The following DLGAP1 variants were observed in gnomAD, a reference collection of about 807,000 sequenced individuals.
DLGAP1 encodes disks large-associated protein 1.
In DLGAP1, 11 loss-of-function variants were observed where a neutral mutation model predicts 90.8. That is an observed-to-expected ratio of 0.12 (90% confidence interval 0.08 to 0.20). The LOEUF (loss-of-function observed/expected upper bound fraction) is 0.20. DLGAP1 is among the 10% of genes least tolerant of loss of function. The probability of loss-of-function intolerance (pLI) is 1.00; values close to 1 mark genes in which losing one functional copy is unlikely to be tolerated. For missense variants in DLGAP1, 1,050 were observed against 1,333.8 expected, an observed-to-expected ratio of 0.79 and a Z score of 3.31; for synonymous variants, 558 against 540.7, an observed-to-expected ratio of 1.03 and a Z score of -0.44.
At chr18:4,078,434 C>T (rs1010671931) in intron 2 of DLGAP1, among the ~76,000 whole-genome samples, 17 of 152,216 alleles carry the variant, frequency 1.1e-4, no homozygotes, top group African/African-American at 3.6e-4. Context: ...GAATCTCCGG[C>T]GAGGGACCTA....
In DLGAP1 at chr18:4,436,873, C is replaced by A. The variant is rs538186770; in HGVS notation, c.-267+18133G>T. Among the ~76,000 whole-genome samples the A allele has an allele frequency of 2.6e-5, 4 of 152,240 alleles. No individual in the cohort carries two copies. The East Asian group carries it at 7.7e-4, about 29-fold the overall frequency. On this transcript the variant is annotated intron_variant, in intron 1 of 12. Transcript: ENST00000315677. ...AAAAACACATTACTTACAGCTCCTG[C>A]TAAGCTAGACTCAAACAAAGTCCTA...
At chr18:4,416,993 AGT>A (rs748848827) in intron 1 of DLGAP1, among the ~76,000 whole-genome samples, 7 of 152,240 alleles carry the variant, frequency 4.6e-5, no homozygotes, top group Non-Finnish European at 1.0e-4. Context: ...TCAGGAGCAT[AGT>A]GTGTTTATTC....
rs772917847 is a variant in DLGAP1, at chr18:4,249,561, T to C, written c.-266-98274A>G. Among the ~76,000 whole-genome samples the C allele has an allele frequency of 2.0e-5, 3 of 151,858 alleles. No individual in the cohort carries two copies. In the South Asian group the frequency reaches 6.2e-4, roughly 32 times the overall value. The stretch of plus-strand genomic sequence containing the variant: ...AAGTACAGTAACCGTTCAGTAATGA[T>C]GGATTTCTGCATTTGTTTCTCAAGT... On this transcript the variant is annotated intron_variant, in intron 1 of 12. Coordinates refer to ENST00000315677, the MANE Select transcript of DLGAP1 (RefSeq NM_004746.4).
At chr18:3,718,692 G>T (rs1287586209) in intron 7 of DLGAP1, among the ~76,000 whole-genome samples, 3 of 150,208 alleles carry the variant, frequency 2.0e-5, no homozygotes, top group Non-Finnish European at 4.4e-5. Context: ...TTGGGGGGTC[G>T]AGGCGGGTGG....
intron 1 of DLGAP1, among the ~76,000 whole-genome samples, chr18:4,238,668 A>G (rs1245277565): frequency 6.6e-6 from 1 of 152,212 alleles, no homozygotes; most frequent in Non-Finnish European, 1.5e-5. Context: ...ATGAGGGATT[A>G]TATATGTATA....
chr18:3,863,054 T>C (rs937917567), intron 4 of DLGAP1, among the ~76,000 whole-genome samples: 1 of 152,244 alleles, frequency 6.6e-6, no homozygotes, highest in African/African-American at 2.4e-5. Context: ...CCAATACAAC[T>C]TTCTGTGATG....
intron 1 of DLGAP1, among the ~76,000 whole-genome samples, chr18:4,373,398 G>A (rs2081955496): frequency 6.6e-6 from 1 of 152,144 alleles, no homozygotes; most frequent in Non-Finnish European, 1.5e-5. Context: ...AAGCAAGTGA[G>A]GAAGTGGGAG....
At chr18:3,904,779 G>A (rs1305909066) in intron 3 of DLGAP1, among the ~76,000 whole-genome samples, 3 of 152,118 alleles carry the variant, frequency 2.0e-5, no homozygotes, top group Admixed American at 6.5e-5. Context: ...GTTTGAAAAT[G>A]CTTTTCACTC....
intron 3 of DLGAP1, chr18:3,894,679 T>A (rs2071569780): frequency 6.6e-6 from 1 of 152,196 alleles, no homozygotes; most frequent in South Asian, 2.1e-4. Context: ...CTTTTTTGAT[T>A]CTGTATGAAT....
chr18:4,056,737 C>T (rs765463459), intron 2 of DLGAP1, among the ~76,000 whole-genome samples: 3 of 152,080 alleles, frequency 2.0e-5, no homozygotes, highest in Non-Finnish European at 4.4e-5. Flanking sequence ...TTGAGACATA[C>T]ACTAAAAAAT....
At chr18:4,075,628 T>G (rs1241006259) in intron 2 of DLGAP1, among the ~76,000 whole-genome samples, 1 of 152,138 alleles carries the variant, frequency 6.6e-6, no homozygotes, top group Non-Finnish European at 1.5e-5. Context: ...GAACAAAACT[T>G]AGAGACAGCT....
intron 3 of DLGAP1, among the ~76,000 whole-genome samples, chr18:3,880,665 G>A (rs1417453624): frequency 2.0e-5 from 3 of 152,002 alleles, no homozygotes; most frequent in South Asian, 4.1e-4. Flanking sequence ...AAAGGAGGCC[G>A]GGCGCGGTGG....
intron 1 of DLGAP1, among the ~76,000 whole-genome samples, chr18:4,438,276 T>C (rs1055346003): frequency 2.0e-5 from 3 of 151,938 alleles, no homozygotes; most frequent in African/African-American, 7.3e-5. Context: ...TAGACTGATG[T>C]TATCATCTGA....
intron 6 of DLGAP1, among the ~76,000 whole-genome samples, chr18:3,733,965 C>T (rs1393339142): frequency 6.6e-6 from 1 of 152,066 alleles, no homozygotes; most frequent in Non-Finnish European, 1.5e-5. Flanking sequence ...TAAAGAAATT[C>T]TTTAAAGTCT....
At chr18:3,876,391 T>C (rs1479524337) in intron 4 of DLGAP1, among the ~76,000 whole-genome samples, 1 of 152,226 alleles carries the variant, frequency 6.6e-6, no homozygotes, top group Non-Finnish European at 1.5e-5. Context: ...CATTGAAATA[T>C]AGATTTTTTC....
chr18:3,723,540 C>G (rs549068912), intron 7 of DLGAP1, among the ~76,000 whole-genome samples: 1 of 151,758 alleles, frequency 6.6e-6, no homozygotes, highest in South Asian at 2.1e-4. Flanking sequence ...TAATGTCATT[C>G]TGCTTAGGGT....
chr18:3,573,952 T>G (rs1308208886), intron 8 of DLGAP1, among the ~76,000 whole-genome samples: 1 of 152,218 alleles, frequency 6.6e-6, no homozygotes, highest in Non-Finnish European at 1.5e-5. Flanking sequence ...TCTACCCACC[T>G]TAGCTTCCCA....
intron 1 of DLGAP1, among the ~76,000 whole-genome samples, chr18:4,332,501 A>C (rs2080974584): frequency 6.6e-6 from 1 of 151,904 alleles, no homozygotes; most frequent in African/African-American, 2.4e-5. Flanking sequence ...AATGATAGTA[A>C]AGATTAGCAA....
At chr18:3,539,702 G>A (rs2052575018) in intron 9 of DLGAP1, among the ~76,000 whole-genome samples, 1 of 152,164 alleles carries the variant, frequency 6.6e-6, no homozygotes, top group South Asian at 2.1e-4. Context: ...GTCTGATAGA[G>A]TTGCAGTTAA....
Sources: gnomAD v4.1 joint callset for allele counts (sites outside exome capture counted in the v4.1 genomes callset) on GRCh38, gnomAD v4.1.1 for gene constraint, MANE v1.5 for transcripts, NCBI Gene and HGNC (gene_info 2026-07-23, HGNC 2026-07-21) for gene names.